Variants in MED11 observed in about 807,000 individuals in gnomAD.
MED11 encodes mediator complex subunit 11, also known as mediator of RNA polymerase II transcription subunit 11.
Under a neutral mutation model 13.9 loss-of-function variants are expected in MED11, and 19 were observed. The ratio of observed to expected loss-of-function variants is 1.36; its 90% CI spans 0.95 to 2.00. The LOEUF (loss-of-function observed/expected upper bound fraction) is 2.00, where lower values mean the gene tolerates loss of function less well. MED11 is among the 30% of genes most tolerant of loss of function. The probability of loss-of-function intolerance (pLI) is 0.00; values close to 1 mark genes in which losing one functional copy is unlikely to be tolerated. For missense variants in MED11, 134 were observed against 150.2 expected, an observed-to-expected ratio of 0.89 and a Z score of 0.56; for synonymous variants, 67 against 62.1, an observed-to-expected ratio of 1.08 and a Z score of -0.37.
rs780310009 is a variant in MED11 at position 4,731,524 on chromosome 17, G to A, written c.35G>A (p.Arg12His). Residue 12 changes from arginine (R) to histidine (H), a missense_variant, in exon 1 of 3, where the codon CGC becomes CAC. By Grantham distance (29) the Arg-to-His change is conservative (BLOSUM62 0). Coordinates refer to ENST00000293777, the MANE Select transcript of MED11 (RefSeq NM_001001683.4). The part of the protein sequence containing the change: ...ATYSLANERL[R>H]ALEDIEREIG... ...TACAGCCTGGCGAACGAGAGACTAC[G>A]CGCTCTGGAAGACATTGAACGGGAA... is the stretch of plus-strand genomic sequence containing the variant. 3 of 1,614,142 alleles carry A rather than the reference G, an allele frequency of 1.9e-6. No individual in the cohort carries two copies. Among genetic ancestry groups the A allele is most frequent in the Admixed American group, 1.7e-5 (1 of 60,028 alleles).
Position 4,733,311 on chromosome 17 carries a change from C to A in MED11, c.*124C>A. ...CCCTGCTGGTCAAAGTACCCTAGGA[C>A]AAAGGGGCAAATGGTGGGCATGGAA... On this transcript the variant is annotated 3_prime_UTR_variant, in exon 3 of 3. Coordinates refer to ENST00000293777, the MANE Select transcript of MED11 (RefSeq NM_001001683.4). 2.4e-6 allele frequency: 3 copies of A among 1,231,744 alleles called. No individual in the cohort carries two copies. The highest frequency in any genetic ancestry group is 3.4e-6 in the Non-Finnish European group (3 of 895,500). 76.3% of individuals were successfully genotyped at this position (1,231,744 alleles called of 1,614,324 possible). A position where few individuals can be genotyped will look rare whatever the true frequency, so the allele number is the denominator to read the frequency against.
intron 2 of MED11, 93 bp from the exon 3 acceptor site, chr17:4,732,957 A>G: frequency 6.8e-7 from 1 of 1,470,380 alleles, no homozygotes; most frequent in Non-Finnish European, 9.2e-7. Flanking sequence ...TGGCCTAACA[A>G]ATTCAAACTC....
Position 4,733,260 on chromosome 17 carries a change from G to A in MED11, c.*73G>A. The stretch of plus-strand genomic sequence containing the variant: ...ATGGGACAGAACCTGGGAACATGTA[G>A]GGTGGGGAGTATGAGCACCAACATA... On this transcript the variant is annotated 3_prime_UTR_variant, in exon 3 of 3. Coordinates refer to ENST00000293777, the MANE Select transcript of MED11 (RefSeq NM_001001683.4). 6.3e-7 allele frequency: 1 copy of A among 1,576,746 alleles called. No homozygotes were observed. Among genetic ancestry groups the A allele is most frequent in the Non-Finnish European group, 8.7e-7 (1 of 1,155,680 alleles).
intron 1 of MED11, 81 bp from the exon 2 acceptor site, chr17:4,731,695 G>A: frequency 6.2e-7 from 1 of 1,606,974 alleles, no homozygotes; most frequent in Non-Finnish European, 8.5e-7. Context: ...GCAGCGAAAG[G>A]GCGGGACTGA....
Position 4,731,542 on chromosome 17 carries a change from A to G in MED11, c.53A>G (p.Glu18Gly). 1 of 1,614,188 alleles carries G rather than the reference A, an allele frequency of 6.2e-7. No homozygotes were observed. Among genetic ancestry groups the G allele is most frequent in the Non-Finnish European group, 8.5e-7 (1 of 1,180,016 alleles). The change falls in exon 1 of 3, where the codon GAA becomes GGA. Residue 18 changes from glutamate to glycine, a missense_variant. Physicochemically the swap from Glu to Gly is moderately conservative, Grantham distance 98. Coordinates refer to ENST00000293777, the MANE Select transcript of MED11 (RefSeq NM_001001683.4). Reference protein sequence around the residue: ...NERLRALEDIEREIGAILQNA... With the variant: ...NERLRALEDIGREIGAILQNA... ...AGACTACGCGCTCTGGAAGACATTG[A>G]ACGGGAAATCGGCGCCATCCTTCAG...
intron 2 of MED11, 50 bp downstream of exon 2, chr17:4,731,956 G>T: frequency 6.3e-7 from 1 of 1,594,406 alleles, no homozygotes; most frequent in South Asian, 1.1e-5. Flanking sequence ...CTGGGTCAAA[G>T]CCTCAGGCTT....
At chr17:4,732,046 A>G (rs1915996751) in intron 2 of MED11, 140 bp downstream of exon 2, 1 of 1,036,840 alleles carries the variant, frequency 9.6e-7, no homozygotes, top group Non-Finnish European at 1.4e-6. Context: ...CTTCCTCTAA[A>G]AGGAAAGAAT....
Position 4,733,187 on chromosome 17 carries a change from G to C in MED11, c.354G>C (p.Ter118TyrextTer29). Residue 118 changes from the stop codon to tyrosine (Y), a stop_lost, in exon 3 of 3, where the codon TAG becomes TAC. Coordinates refer to ENST00000293777, the MANE Select transcript of MED11 (RefSeq NM_001001683.4). ...ARTCEQMLEN[*>Y] ...CCTGTGAGCAGATGCTGGAGAACTA[G>C]GCCAGGGAGATGGACCCAGAGCTGA... 1 of 1,614,150 alleles carries C rather than the reference G, an allele frequency of 6.2e-7. No individual in the cohort carries two copies. The highest frequency in any genetic ancestry group is 1.1e-5 in the South Asian group (1 of 91,076).
chr17:4,731,619 C>T (rs568714091), intron 1 of MED11, 45 bp downstream of exon 1: 2 of 1,611,968 alleles, frequency 1.2e-6, no homozygotes. Flanking sequence ...AAAGCGTGAC[C>T]GGGCTGCACT....
intron 2 of MED11, 63 bp downstream of exon 2, chr17:4,731,969 G>A: frequency 1.3e-6 from 2 of 1,564,056 alleles, no homozygotes. Context: ...TCAGGCTTGG[G>A]TGATCCAGGG....
chr17:4,733,035 T>C lies in MED11; in HGVS notation c.217-15T>C. The C allele has an allele frequency of 6.2e-7, 1 of 1,613,688 alleles. No individual in the cohort carries two copies. Among genetic ancestry groups the C allele is most frequent in the Non-Finnish European group, 8.5e-7 (1 of 1,179,728 alleles). ...GGTAAAGGAGATGGTGCTCCATTGA[T>C]AGTCTGTCTTGTAGGTGGCCACAGG... On this transcript the variant is annotated splice_polypyrimidine_tract_variant and intron_variant, in intron 2 of 2. Transcript: ENST00000293777.
chr17:4,731,444 T>C lies in MED11; in HGVS notation c.-46T>C, dbSNP rs1597495695. The C allele has an allele frequency of 1.3e-6, 2 of 1,588,572 alleles. No individual in the cohort carries two copies. The highest frequency in any genetic ancestry group is 1.7e-6 in the Non-Finnish European group (2 of 1,158,748). ...CCGAGAGCCACTTCCGGAACAAGCGTCGCGTTTCTGAGGAGAAACTCTTGG... is the reference window on the plus strand; with the variant it reads ...CCGAGAGCCACTTCCGGAACAAGCGCCGCGTTTCTGAGGAGAAACTCTTGG... On this transcript the variant is annotated 5_prime_UTR_variant, in exon 1 of 3. Transcript: ENST00000293777.
At chr17:4,731,943 G>A in intron 2 of MED11, 37 bp downstream of exon 2, 1 of 1,602,370 alleles carries the variant, frequency 6.2e-7, no homozygotes, top group Non-Finnish European at 8.5e-7. Flanking sequence ...GCGAACCCCA[G>A]CTCTGGGTCA....
At chr17:4,731,751 C>A in intron 1 of MED11, 25 bp from the exon 2 acceptor site, 1 of 1,611,532 alleles carries the variant, frequency 6.2e-7, no homozygotes, top group South Asian at 1.1e-5. Context: ...CTCCGTGTGT[C>A]CCCGCCCTCT....
intron 2 of MED11, chr17:4,732,210 G>A: frequency 2.7e-6 from 1 of 374,268 alleles, no homozygotes; most frequent in African/African-American, 2.1e-5. Flanking sequence ...GATCATCTGA[G>A]GTCAGGAGTT....
chr17:4,732,022 T>C, intron 2 of MED11, 116 bp downstream of exon 2: 1 of 1,293,984 alleles, frequency 7.7e-7, no homozygotes, highest in East Asian at 2.6e-5. Context: ...CAGCCGGCCA[T>C]CCAGAGCGGG....
Position 4,731,431 on chromosome 17 carries a change from TC to T in MED11, c.-57del, listed in dbSNP as rs1915968644. The T allele has an allele frequency of 6.4e-7, 1 of 1,571,442 alleles. No homozygotes were observed. Among genetic ancestry groups the T allele is most frequent in the African/African-American group, 1.3e-5 (1 of 74,168 alleles). ...GCGCAGGCGCACACCGAGAGCCACT[TC>T]CGGAACAAGCGTCGCGTTTCTGAGG... On this transcript the variant is annotated 5_prime_UTR_variant, in exon 1 of 3. Transcript: ENST00000293777.
Position 4,733,054 on chromosome 17 carries a change from C to T in MED11, c.221C>T (p.Ala74Val), listed in dbSNP as rs1248812705. 1 of 1,614,048 alleles carries T rather than the reference C, an allele frequency of 6.2e-7. No individual in the cohort carries two copies. The highest frequency in any genetic ancestry group is 1.3e-5 in the African/African-American group (1 of 75,032). Residue 74 changes from alanine to valine, a missense_variant, in exon 3 of 3, where the codon GCC becomes GTC. Transcript: ENST00000293777. The part of the protein sequence containing the change: ...SAQIRYLTQV[A>V]TGQPHEGSSY... ...CATTGATAGTCTGTCTTGTAGGTGG[C>T]CACAGGGCAGCCCCATGAGGGCTCC...
chr17:4,731,941 C>T, intron 2 of MED11, 35 bp downstream of exon 2: 1 of 1,603,892 alleles, frequency 6.2e-7, no homozygotes. Context: ...GAGCGAACCC[C>T]AGCTCTGGGT....
Sources: gnomAD v4.1 joint callset for allele counts on GRCh38, gnomAD v4.1.1 for gene constraint, MANE v1.5 for transcripts, NCBI Gene and HGNC (gene_info 2026-07-23, HGNC 2026-07-21) for gene names.